FAM167A: variants seen among roughly 807,000 people sequenced by gnomAD.
FAM167A encodes protein FAM167A.
In FAM167A, 23 loss-of-function variants were observed where a neutral mutation model predicts 14.9. The ratio of observed to expected loss-of-function variants is 1.55; its 90% CI spans 1.11 to 2.19. The LOEUF (loss-of-function observed/expected upper bound fraction) is 2.19, where lower values mean the gene tolerates loss of function less well. Ranked by LOEUF, FAM167A falls within the 30% of genes most tolerant of loss-of-function variation. The probability of loss-of-function intolerance (pLI) is 0.00; values close to 1 mark genes in which losing one functional copy is unlikely to be tolerated. For missense variants in FAM167A, 401 were observed against 281.5 expected, an observed-to-expected ratio of 1.42 and a Z score of -3.04; for synonymous variants, 174 against 117.7, an observed-to-expected ratio of 1.48 and a Z score of -3.10.
chr8:11,421,877 A>AC lies in FAM167A; in HGVS notation c.*2495dup. 2.8e-6 allele frequency: 1 copy of AC among 360,312 alleles called. No homozygotes were observed. The highest frequency in any genetic ancestry group is 5.0e-6 in the Non-Finnish European group (1 of 199,786). 22.3% of individuals were successfully genotyped at this position (360,312 alleles called of 1,614,324 possible). On this transcript the variant is annotated 3_prime_UTR_variant, in exon 3 of 3. Coordinates refer to ENST00000284486, the MANE Select transcript of FAM167A (RefSeq NM_053279.3). ...GGCCAATGTTGCTGCTGACTCATAG[A>AC]CCCACAGAGAGCAGGGACTTCACAA...
intron 2 of FAM167A, chr8:11,435,184 A>C: frequency 2.2e-6 from 1 of 454,622 alleles, no homozygotes; most frequent in South Asian, 1.6e-5. Flanking sequence ...GGGCAGCCAC[A>C]CTGAGGTTCT....
intron 1 of FAM167A, among the ~76,000 whole-genome samples, chr8:11,451,192 G>A (rs890138631): frequency 1.3e-5 from 2 of 152,234 alleles, no homozygotes; most frequent in Non-Finnish European, 2.9e-5. Flanking sequence ...TGAGCTGGCC[G>A]GGGCCGCTGG....
At chr8:11,468,296 C>A (rs1410658586), upstream of FAM167A, among the ~76,000 whole-genome samples, 1 of 152,240 alleles carries the variant, frequency 6.6e-6, no homozygotes, top group Non-Finnish European at 1.5e-5. Context: ...AGGGCCTTGT[C>A]TTGCACAGAC....
intron 1 of FAM167A, among the ~76,000 whole-genome samples, chr8:11,450,083 C>A (rs1585266702): frequency 6.6e-6 from 1 of 152,212 alleles, no homozygotes; most frequent in African/African-American, 2.4e-5. Context: ...ATCTTTCCAA[C>A]CCCGACCCAG....
At chr8:11,461,555 G>A (rs1164705010) in intron 1 of FAM167A, among the ~76,000 whole-genome samples, 1 of 152,230 alleles carries the variant, frequency 6.6e-6, no homozygotes, top group African/African-American at 2.4e-5. Flanking sequence ...TATACAAACA[G>A]GAAACACTTC....
chr8:11,454,533 G>A (rs1807153712), intron 1 of FAM167A, among the ~76,000 whole-genome samples: 1 of 152,224 alleles, frequency 6.6e-6, no homozygotes, highest in South Asian at 2.1e-4. Flanking sequence ...AGAGGCCAGA[G>A]AACAGTGAGG....
At chr8:11,465,722 G>T (rs1348077637) in intron 1 of FAM167A, among the ~76,000 whole-genome samples, 2 of 152,238 alleles carry the variant, frequency 1.3e-5, no homozygotes, top group Non-Finnish European at 2.9e-5. Context: ...GTGTCAGTGG[G>T]AAGCTGCTTT....
At chr8:11,451,104 G>A (rs1042749170) in intron 1 of FAM167A, among the ~76,000 whole-genome samples, 2 of 152,234 alleles carry the variant, frequency 1.3e-5, no homozygotes, top group African/African-American at 4.8e-5. Context: ...CCATCCCTGG[G>A]GTTTCCTTTC....
intron 1 of FAM167A, among the ~76,000 whole-genome samples, chr8:11,457,592 C>A (rs772294467): frequency 2.9e-4 from 44 of 152,102 alleles, no homozygotes; most frequent in Non-Finnish European, 4.6e-4. Flanking sequence ...GACTGTGACC[C>A]CGGCACTCAG....
chr8:11,465,502 A>G (rs1456380412), intron 1 of FAM167A, among the ~76,000 whole-genome samples: 1 of 152,206 alleles, frequency 6.6e-6, no homozygotes, highest in Non-Finnish European at 1.5e-5. Flanking sequence ...TGGTCCATAA[A>G]TGCACTCAAG....
chr8:11,427,042 T>A lies in FAM167A; in HGVS notation c.382-2406A>T, dbSNP rs558168707. On this transcript the variant is annotated intron_variant, in intron 2 of 2. Coordinates refer to ENST00000284486, the MANE Select transcript of FAM167A (RefSeq NM_053279.3). ...CTGGGGGCCCAACACGGAAGTTCTT[T>A]GTGGGCCAATTGTGAGGGAGGTATG... 3.9e-5 allele frequency among the ~76,000 whole-genome samples: 6 copies of A among 152,304 alleles called. No individual in the cohort carries two copies. The South Asian group carries it at 1.2e-3, about 32-fold the overall frequency.
At chr8:11,447,726 A>C (rs1324690143) in intron 1 of FAM167A, among the ~76,000 whole-genome samples, 2 of 152,190 alleles carry the variant, frequency 1.3e-5, no homozygotes, top group East Asian at 1.9e-4. Context: ...TACTCTGGAG[A>C]GTGTGGGCTC....
intron 2 of FAM167A, among the ~76,000 whole-genome samples, chr8:11,439,686 G>A (rs1166594953): frequency 6.6e-6 from 1 of 152,174 alleles, no homozygotes; most frequent in East Asian, 1.9e-4. Flanking sequence ...AATATCAGTG[G>A]GTGCCCAGGG....
At chr8:11,440,143 C>T (rs957848273) in intron 2 of FAM167A, among the ~76,000 whole-genome samples, 1 of 152,186 alleles carries the variant, frequency 6.6e-6, no homozygotes, top group Non-Finnish European at 1.5e-5. Context: ...ACGGCCACTC[C>T]CCTGAGCCAG....
At chr8:11,431,450 C>T (rs1185270978) in intron 2 of FAM167A, among the ~76,000 whole-genome samples, 1 of 152,126 alleles carries the variant, frequency 6.6e-6, no homozygotes, top group Non-Finnish European at 1.5e-5. Flanking sequence ...ATGAAGTTCT[C>T]GAGATGGATG....
chr8:11,464,697 T>A (rs1038223737), intron 1 of FAM167A, among the ~76,000 whole-genome samples: 1 of 152,198 alleles, frequency 6.6e-6, no homozygotes, highest in African/African-American at 2.4e-5. Context: ...CTCAAGTCCC[T>A]TGGGAAAGCA....
At chr8:11,466,542 C>G (rs1019969221) in intron 1 of FAM167A, 84 bp downstream of exon 1, 2 of 152,506 alleles carry the variant, frequency 1.3e-5, no homozygotes, top group Non-Finnish European at 2.9e-5. Context: ...CCTGCGACGC[C>G]TCAGCCCCTG....
chr8:11,438,512 T>G lies in FAM167A; in HGVS notation c.381+5519A>C, dbSNP rs987545015. On this transcript the variant is annotated intron_variant, in intron 2 of 2. Transcript: ENST00000284486. ...GGCAAGGGAGAGAAGAGCCTGGTGCTAGCACTTTTGCTTCTTTGGTCTTTC... is the reference window on the plus strand; with the variant it reads ...GGCAAGGGAGAGAAGAGCCTGGTGCGAGCACTTTTGCTTCTTTGGTCTTTC... The G allele has an allele frequency of 5.3e-5, 24 of 457,122 alleles. No individual in the cohort carries two copies. In the Admixed American group the frequency reaches 5.6e-4, roughly 11 times the overall value. The allele number at this position is 457,122 out of a possible 1,614,324, so 28.3% of individuals were successfully genotyped here.
chr8:11,432,396 G>T (rs1347326539), intron 2 of FAM167A, among the ~76,000 whole-genome samples: 7 of 152,052 alleles, frequency 4.6e-5, no homozygotes, highest in Admixed American at 1.3e-4. Flanking sequence ...ACCCCATCAA[G>T]AAATGGGCAA....
Sources: allele counts gnomAD v4.1 joint callset (sites outside exome capture counted in the v4.1 genomes callset), GRCh38; gene constraint gnomAD v4.1.1; transcripts MANE v1.5; gene names NCBI Gene and HGNC (gene_info 2026-07-23, HGNC 2026-07-21).